Variants in SPIRE1 observed in about 807,000 individuals in gnomAD.
The protein encoded by SPIRE1 is protein spire homolog 1.
A neutral mutation model predicts 94.1 loss-of-function variants in SPIRE1; 40 were observed. The ratio of observed to expected loss-of-function variants is 0.43; its 90% CI spans 0.33 to 0.55. The LOEUF is 0.55. SPIRE1 is among the 20% of genes least tolerant of loss of function. SPIRE1 has a pLI of 0.06. For synonymous variants in SPIRE1, 376 were observed against 371.7 expected (o/e 1.01, Z -0.13); for missense variants, 838 against 975.2 (o/e 0.86, Z 1.87).
intron 2 of SPIRE1, among the ~76,000 whole-genome samples, chr18:12,633,937 G>C (rs1167180457): frequency 6.6e-6 from 1 of 152,054 alleles, no homozygotes; most frequent in Non-Finnish European, 1.5e-5. Flanking sequence ...TCAGAAATTT[G>C]AAATTAAATT....
At chr18:12,639,937 C>T (rs2038039323) in intron 1 of SPIRE1, among the ~76,000 whole-genome samples, 2 of 151,838 alleles carry the variant, frequency 1.3e-5, no homozygotes, top group South Asian at 4.1e-4. Flanking sequence ...CCTATGCCTT[C>T]CTATAAACTG....
intron 3 of SPIRE1, among the ~76,000 whole-genome samples, chr18:12,540,478 C>T (rs914093151): frequency 6.6e-6 from 1 of 152,164 alleles, no homozygotes; most frequent in South Asian, 2.1e-4. Context: ...CAGGTTCAAG[C>T]GATTCTCCTG....
chr18:12,492,394 C>T (rs1053513943), intron 8 of SPIRE1, among the ~76,000 whole-genome samples: 2 of 152,132 alleles, frequency 1.3e-5, no homozygotes, highest in African/African-American at 4.8e-5. Flanking sequence ...TGTTTACAGA[C>T]ATCTTATAAT....
At chr18:12,525,573 G>C (rs1412890220) in intron 4 of SPIRE1, among the ~76,000 whole-genome samples, 1 of 151,786 alleles carries the variant, frequency 6.6e-6, no homozygotes, top group Non-Finnish European at 1.5e-5. Flanking sequence ...AGCATTTATG[G>C]GGGATTGGAG....
At chr18:12,573,810 G>C (rs976246308) in intron 2 of SPIRE1, among the ~76,000 whole-genome samples, 3 of 151,968 alleles carry the variant, frequency 2.0e-5, no homozygotes, top group Non-Finnish European at 4.4e-5. Flanking sequence ...TGCAATCTCG[G>C]CTCACTGCAA....
chr18:12,500,259 A>G (rs1267077976), intron 6 of SPIRE1, among the ~76,000 whole-genome samples: 2 of 152,222 alleles, frequency 1.3e-5, no homozygotes, highest in East Asian at 3.8e-4. Flanking sequence ...AAACAGGCAC[A>G]TGCACACCCG....
At chr18:12,656,575 C>T (rs979465975) in intron 1 of SPIRE1, 1 of 276,042 alleles carries the variant, frequency 3.6e-6, no homozygotes, top group Non-Finnish European at 5.5e-6. Context: ...CATCTTTCAC[C>T]TTAAGCATTT....
intron 1 of SPIRE1, among the ~76,000 whole-genome samples, chr18:12,651,088 G>C (rs1196182881): frequency 1.3e-5 from 2 of 152,000 alleles, no homozygotes; most frequent in Non-Finnish European, 2.9e-5. Flanking sequence ...TTAATGACTA[G>C]AACTATTTGC....
At chr18:12,631,803 T>G (rs2037789203) in intron 2 of SPIRE1, among the ~76,000 whole-genome samples, 3 of 152,138 alleles carry the variant, frequency 2.0e-5, no homozygotes, top group Admixed American at 2.0e-4. Flanking sequence ...AGGCAGAGGT[T>G]GTAGTGAGCC....
At chr18:12,460,009 CAT>C (rs1190561163) in intron 12 of SPIRE1, 121 of 627,014 alleles carry the variant, frequency 1.9e-4, no homozygotes, top group Non-Finnish European at 1.3e-4. Context: ...GTGACCTACA[CAT>C]AGTGATTACA....
chr18:12,566,296 A>G (rs2035819439), intron 2 of SPIRE1, among the ~76,000 whole-genome samples: 1 of 152,186 alleles, frequency 6.6e-6, no homozygotes, highest in South Asian at 2.1e-4. Context: ...AGATTGCAAC[A>G]CTGCACTCCA....
intron 10 of SPIRE1, among the ~76,000 whole-genome samples, chr18:12,469,856 G>A (rs998511315): frequency 6.6e-6 from 1 of 150,428 alleles, no homozygotes; most frequent in African/African-American, 2.4e-5. Flanking sequence ...GGCACTCAGA[G>A]GGTGCATTCT....
At chr18:12,547,712 C>A (rs910254570) in intron 2 of SPIRE1, among the ~76,000 whole-genome samples, 3 of 152,154 alleles carry the variant, frequency 2.0e-5, no homozygotes, top group African/African-American at 7.2e-5. Context: ...GAGGCTGAGG[C>A]GAGCAGATCA....
chr18:12,625,640 T>C (rs1470599805), intron 2 of SPIRE1, among the ~76,000 whole-genome samples: 1 of 152,246 alleles, frequency 6.6e-6, no homozygotes, highest in Non-Finnish European at 1.5e-5. Context: ...GCAGCTAAAG[T>C]TGTGCATGCA....
chr18:12,553,496 G>A (rs933663920), intron 2 of SPIRE1, among the ~76,000 whole-genome samples: 5 of 152,212 alleles, frequency 3.3e-5, no homozygotes, highest in African/African-American at 1.2e-4. Context: ...TCTGCCTGTG[G>A]AAGAGGCGAG....
intron 2 of SPIRE1, among the ~76,000 whole-genome samples, chr18:12,574,396 TAG>T (rs1446059030): frequency 6.6e-6 from 1 of 151,948 alleles, no homozygotes; most frequent in African/African-American, 2.4e-5. Flanking sequence ...TAGTAATAGG[TAG>T]ATAGAGAAAG....
chr18:12,527,719 A>G (rs2034562010), intron 4 of SPIRE1, among the ~76,000 whole-genome samples: 1 of 151,906 alleles, frequency 6.6e-6, no homozygotes, highest in African/African-American at 2.4e-5. Flanking sequence ...GCTCCTGATA[A>G]CTCCATAATC....
intron 1 of SPIRE1, among the ~76,000 whole-genome samples, chr18:12,651,143 A>G (rs1443137374): frequency 6.6e-6 from 1 of 152,204 alleles, no homozygotes; most frequent in Non-Finnish European, 1.5e-5. Context: ...TGTACATAGT[A>G]GGAACTCAAA....
At chr18:12,516,678 G>A (rs1020829583) in intron 4 of SPIRE1, among the ~76,000 whole-genome samples, 3 of 152,182 alleles carry the variant, frequency 2.0e-5, no homozygotes, top group African/African-American at 7.2e-5. Context: ...ACAAATATGA[G>A]TTCATGCTTT....
Sources: allele counts gnomAD v4.1 joint callset (sites outside exome capture counted in the v4.1 genomes callset), GRCh38; gene constraint gnomAD v4.1.1; transcripts MANE v1.5; gene names NCBI Gene and HGNC (gene_info 2026-07-23, HGNC 2026-07-21).